Variants in ADARB2 observed in about 807,000 individuals in gnomAD.
ADARB2 encodes adenosine deaminase RNA specific B2 (inactive), also known as inactive double-stranded RNA-specific editase B2.
A neutral mutation model predicts 62.2 loss-of-function variants in ADARB2; 25 were observed. The ratio of observed to expected loss-of-function variants is 0.40; its 90% CI spans 0.29 to 0.56. The LOEUF (loss-of-function observed/expected upper bound fraction) is 0.56. Ranked by LOEUF, ADARB2 falls within the 20% of genes least tolerant of loss-of-function variation. The probability of loss-of-function intolerance (pLI) is 0.43; values close to 1 mark genes in which losing one functional copy is unlikely to be tolerated. For missense variants in ADARB2, 1,071 were observed against 1,077.4 expected (o/e 0.99, Z 0.08); for synonymous variants, 572 against 500.8 (o/e 1.14, Z -1.90).
intron 1 of ADARB2, among the ~76,000 whole-genome samples, chr10:1,622,018 C>G (rs1326090793): frequency 6.6e-6 from 1 of 152,128 alleles, no homozygotes. Context: ...ATAAATTGAA[C>G]AGAGTTGAGG....
At chr10:1,215,930 G>A (rs1461864270) in intron 7 of ADARB2, 1 of 151,778 alleles carries the variant, frequency 6.6e-6, no homozygotes, top group Admixed American at 6.6e-5. Flanking sequence ...TCAGATCCAC[G>A]TTGGGGAGGC....
rs574827960 is a variant in ADARB2, at chr10:1,718,724, G to A, written c.100+18327C>T. Among the ~76,000 whole-genome samples, 521 of 152,192 alleles carry A rather than the reference G, an allele frequency of 3.4e-3. 2 individuals are homozygous for A. Among genetic ancestry groups the A allele is most frequent in the African/African-American group, 0.01 (422 of 41,520 alleles). ...AGCACGACCCAGTTGACAGGCAGAG[G>A]CCAGGCCCCCAGGTTGTGTTTCTGA... is the stretch of plus-strand genomic sequence containing the variant. On this transcript the variant is annotated intron_variant, in intron 1 of 9. Transcript: ENST00000381312.
intron 3 of ADARB2, among the ~76,000 whole-genome samples, chr10:1,282,347 T>C (rs984365171): frequency 6.6e-6 from 1 of 152,236 alleles, no homozygotes; most frequent in African/African-American, 2.4e-5. Flanking sequence ...ATTTCCCCAG[T>C]GAAGCCCTTT....
intron 1 of ADARB2, among the ~76,000 whole-genome samples, chr10:1,692,648 G>A (rs1001475996): frequency 1.3e-5 from 2 of 152,080 alleles, no homozygotes; most frequent in Admixed American, 6.6e-5. Context: ...ATAATTAACT[G>A]GACTGCTAAC....
intron 1 of ADARB2, among the ~76,000 whole-genome samples, chr10:1,730,975 T>C (rs549353292): frequency 6.6e-6 from 1 of 152,324 alleles, no homozygotes; most frequent in Non-Finnish European, 1.5e-5. Flanking sequence ...TCAATACCTA[T>C]GACTAGAATA....
intron 1 of ADARB2, among the ~76,000 whole-genome samples, chr10:1,621,199 T>G (rs1440952474): frequency 1.3e-5 from 2 of 152,222 alleles, no homozygotes; most frequent in African/African-American, 2.4e-5. Context: ...GTAGATGACA[T>G]GAACATCTAT....
intron 3 of ADARB2, among the ~76,000 whole-genome samples, chr10:1,324,204 A>G (rs1831822207): frequency 6.6e-6 from 1 of 152,240 alleles, no homozygotes; most frequent in Non-Finnish European, 1.5e-5. Context: ...GAGGTACCAT[A>G]TGAGTCCACA....
intron 8 of ADARB2, among the ~76,000 whole-genome samples, chr10:1,199,108 C>T (rs1470739266): frequency 6.6e-6 from 1 of 152,186 alleles, no homozygotes; most frequent in Non-Finnish European, 1.5e-5. Flanking sequence ...CTGATTCTGC[C>T]ACAGGCAGGC....
intron 1 of ADARB2, among the ~76,000 whole-genome samples, chr10:1,698,851 C>T (rs924851488): frequency 1.2e-4 from 18 of 152,192 alleles, no homozygotes; most frequent in African/African-American, 4.1e-4. Context: ...CTTCTGCCTC[C>T]CAAGTTCAAG....
At chr10:1,217,238 T>C in intron 6 of ADARB2, 119 bp from the exon 7 acceptor site, 1 of 1,047,874 alleles carries the variant, frequency 9.5e-7, no homozygotes, top group Non-Finnish European at 1.3e-6. Context: ...GCTGGGCGTT[T>C]GGCACGAGGA....
chr10:1,661,970 G>A (rs563252798), intron 1 of ADARB2, among the ~76,000 whole-genome samples: 2 of 152,288 alleles, frequency 1.3e-5, no homozygotes, highest in African/African-American at 4.8e-5. Flanking sequence ...GGCAGCGGCA[G>A]ACGCTCTGAC....
chr10:1,551,731 C>A (rs1185169270), intron 1 of ADARB2, among the ~76,000 whole-genome samples: 1 of 152,248 alleles, frequency 6.6e-6, no homozygotes, highest in African/African-American at 2.4e-5. Context: ...CCCTTCCTGC[C>A]CCTCTGGTGG....
At chr10:1,369,182 T>C (rs1167470334) in intron 2 of ADARB2, among the ~76,000 whole-genome samples, 7 of 152,244 alleles carry the variant, frequency 4.6e-5, no homozygotes, top group Non-Finnish European at 4.4e-5. Flanking sequence ...GTCTCATTTT[T>C]TTCTCCATAT....
intron 1 of ADARB2, among the ~76,000 whole-genome samples, chr10:1,462,672 TG>T (rs1300535177): frequency 5.9e-5 from 9 of 152,116 alleles, no homozygotes; most frequent in South Asian, 4.1e-4. Flanking sequence ...TGTATGTGCC[TG>T]TGTGTATGTG....
chr10:1,453,189 G>C (rs1030180775), intron 1 of ADARB2, among the ~76,000 whole-genome samples: 7 of 152,182 alleles, frequency 4.6e-5, no homozygotes, highest in East Asian at 1.9e-4. Flanking sequence ...GCTCTTCCCT[G>C]TCTCCCCATG....
intron 1 of ADARB2, among the ~76,000 whole-genome samples, chr10:1,693,998 C>T (rs1834705609): frequency 6.6e-6 from 1 of 152,186 alleles, no homozygotes; most frequent in South Asian, 2.1e-4. Context: ...AGAAATGATT[C>T]TTTAGCCAAA....
At chr10:1,608,130 T>C (rs1684050556) in intron 1 of ADARB2, among the ~76,000 whole-genome samples, 1 of 152,206 alleles carries the variant, frequency 6.6e-6, no homozygotes, top group Admixed American at 6.5e-5. Context: ...ACAAGATCCA[T>C]GCAAATGGAA....
intron 1 of ADARB2, among the ~76,000 whole-genome samples, chr10:1,604,235 G>A (rs1474108145): frequency 6.6e-6 from 1 of 151,850 alleles, no homozygotes; most frequent in Non-Finnish European, 1.5e-5. Flanking sequence ...TCAAGGAATG[G>A]CCTTATAAAG....
chr10:1,187,212 T>C (rs1306136147), intron 8 of ADARB2, among the ~76,000 whole-genome samples: 1 of 152,244 alleles, frequency 6.6e-6, no homozygotes, highest in East Asian at 1.9e-4. Context: ...ATCTGGCCCG[T>C]TGGCCGCTGT....
Sources: gnomAD v4.1 joint callset for allele counts (sites outside exome capture counted in the v4.1 genomes callset) on GRCh38, gnomAD v4.1.1 for gene constraint, MANE v1.5 for transcripts, NCBI Gene and HGNC (gene_info 2026-07-23, HGNC 2026-07-21) for gene names.